PPP1R3A: variants seen among roughly 807,000 people sequenced by gnomAD.
PPP1R3A encodes RG1.
Under a neutral mutation model 41.7 loss-of-function variants are expected in PPP1R3A, and 29 were observed. The ratio of observed to expected loss-of-function variants is 0.70; its 90% CI spans 0.52 to 0.95. PPP1R3A has a LOEUF of 0.95. Ranked by LOEUF, PPP1R3A falls within the 40% of genes least tolerant of loss-of-function variation. The pLI is 0.00. For missense variants in PPP1R3A, 1,352 were observed against 1,292.4 expected, an observed-to-expected ratio of 1.05 and a Z score of -0.71; for synonymous variants, 485 against 453.4, an observed-to-expected ratio of 1.07 and a Z score of -0.89.
chr7:113,878,538 T>C lies in PPP1R3A; in HGVS notation c.2554A>G (p.Ile852Val), dbSNP rs775255984. The change falls in exon 4 of 4, where the codon ATT (isoleucine) becomes GTT (valine). Residue 852 changes from isoleucine to valine, a missense_variant. Transcript: ENST00000284601. Reference sequence around the variant, plus strand: ...GAAGTTGCTTTTTGATATTCTGTAATGACCCATGAGGATTCTTCCACAGAT... The same window carrying C: ...GAAGTTGCTTTTTGATATTCTGTAACGACCCATGAGGATTCTTCCACAGAT... ...ITSVEESSWV[I>V]TEYQKATSKL... 1.5e-5 allele frequency: 24 copies of C among 1,613,502 alleles called. No individual in the cohort carries two copies. The highest frequency in any genetic ancestry group is 6.7e-5 in the East Asian group (3 of 44,844).
intron 1 of PPP1R3A, among the ~76,000 whole-genome samples, chr7:113,900,156 T>G (rs1797039605): frequency 6.6e-6 from 1 of 151,754 alleles, no homozygotes; most frequent in South Asian, 2.1e-4. Flanking sequence ...ATTACAAAAT[T>G]GATCATGTTT....
intron 1 of PPP1R3A, among the ~76,000 whole-genome samples, chr7:113,905,526 T>C (rs1371226250): frequency 6.6e-6 from 1 of 151,876 alleles, no homozygotes; most frequent in Non-Finnish European, 1.5e-5. Context: ...CTGTAACTTT[T>C]CTATAAATCT....
In PPP1R3A at chr7:113,886,358, T is replaced by C. The variant is rs572779437; in HGVS notation, c.783-4038A>G. On this transcript the variant is annotated intron_variant, in intron 1 of 3. Transcript: ENST00000284601. Reference sequence around the variant, plus strand: ...TAAATGAGTCTCATGAGATCTGATGTTTTTAAAAACAGAAGTTTCCCTGCA... The same window carrying C: ...TAAATGAGTCTCATGAGATCTGATGCTTTTAAAAACAGAAGTTTCCCTGCA... Among the ~76,000 whole-genome samples the C allele has an allele frequency of 9.9e-5, 15 of 152,190 alleles. No individual in the cohort carries two copies. The East Asian group carries it at 2.9e-3, about 30-fold the overall frequency.
chr7:113,912,909 C>T (rs1797275283), intron 1 of PPP1R3A, among the ~76,000 whole-genome samples: 1 of 151,972 alleles, frequency 6.6e-6, no homozygotes, highest in Non-Finnish European at 1.5e-5. Flanking sequence ...CCCTTTTGTT[C>T]CTCTTCTCTC....
intron 1 of PPP1R3A, among the ~76,000 whole-genome samples, chr7:113,915,196 T>C (rs1476070146): frequency 6.6e-6 from 1 of 151,980 alleles, no homozygotes; most frequent in Non-Finnish European, 1.5e-5. Context: ...CAAAAGAAAA[T>C]AGACAACCCA....
chr7:113,895,883 T>G (rs1796967959), intron 1 of PPP1R3A, among the ~76,000 whole-genome samples: 1 of 151,914 alleles, frequency 6.6e-6, no homozygotes, highest in Non-Finnish European at 1.5e-5. Context: ...ACGTCACACA[T>G]TAAAATCATC....
Position 113,877,415 on chromosome 7 carries a change from CA to C in PPP1R3A, c.*307del, listed in dbSNP as rs1796584874. The C allele has an allele frequency of 1.3e-5, 3 of 230,664 alleles. No homozygotes were observed. Among genetic ancestry groups the C allele is most frequent in the Non-Finnish European group, 2.5e-5 (3 of 119,510 alleles). The allele number at this position is 230,664 out of a possible 1,614,324, so 14.3% of individuals were successfully genotyped here. A position where few individuals can be genotyped will look rare whatever the true frequency, so the allele number is the denominator to read the frequency against. ...CAAGAGAAATGAATGCAAGAAATAGCACTTTAAGTAGTGAAGAGATGTGAAG... is the reference window on the plus strand; with the variant it reads ...CAAGAGAAATGAATGCAAGAAATAGCCTTTAAGTAGTGAAGAGATGTGAAG... On this transcript the variant is annotated 3_prime_UTR_variant, in exon 4 of 4. Coordinates refer to ENST00000284601, the MANE Select transcript of PPP1R3A (RefSeq NM_002711.4).
intron 1 of PPP1R3A, among the ~76,000 whole-genome samples, chr7:113,907,768 C>A (rs138475921): frequency 6.6e-6 from 1 of 151,640 alleles, no homozygotes; most frequent in African/African-American, 2.4e-5. Context: ...AAAAAATAGA[C>A]CGTACCTGGA....
rs764688600 is a variant in PPP1R3A, at chr7:113,918,965, C to T, written c.32G>A (p.Ser11Asn). The change falls in exon 1 of 4, where the codon AGC (serine) becomes AAC (asparagine). Residue 11 changes from serine to asparagine, a missense_variant. By Grantham distance (46) the Ser-to-Asn change is conservative. Transcript: ENST00000284601. MEPSEVPSQI[S>N]KDNFLEVPNL... ...AGGAACTTCTAAAAAATTATCTTTG[C>T]TAATCTGACTAGGTACTTCAGAAGG... The T allele has an allele frequency of 1.2e-5, 20 of 1,612,776 alleles. No individual in the cohort carries two copies. The highest frequency in any genetic ancestry group is 1.6e-4 in the Middle Eastern group (1 of 6,076).
At position 113,877,704 on chromosome 7, in the gene PPP1R3A, G is replaced by C. The variant is rs1562915002; in HGVS notation, c.*19C>G. 4 of 1,522,446 alleles carry C rather than the reference G, an allele frequency of 2.6e-6. No individual in the cohort carries two copies. Among genetic ancestry groups the C allele is most frequent in the Non-Finnish European group, 3.5e-6 (4 of 1,138,814 alleles). 94.3% of individuals were successfully genotyped at this position (1,522,446 alleles called of 1,614,324 possible). On this transcript the variant is annotated 3_prime_UTR_variant, in exon 4 of 4. Coordinates refer to ENST00000284601, the MANE Select transcript of PPP1R3A (RefSeq NM_002711.4). ...GGGTTAAATAGCTTATCTTTTAAGA[G>C]AGAATAGTAGTGCTGAGGTTACTTC...
In PPP1R3A at chr7:113,918,554, ACTCGAATAATAC is replaced by A; in HGVS notation, c.431_442del (p.Gly144_Arg147del). ...TAACTTCTCAAAAGAAACATTCAAA[ACTCGAATAATAC>A]CCTTGATACTTGTAGACCCAAGAAG... On this transcript the variant is annotated inframe_deletion, in exon 1 of 4. Coordinates refer to ENST00000284601, the MANE Select transcript of PPP1R3A (RefSeq NM_002711.4). 1 of 1,612,812 alleles carries A rather than the reference ACTCGAATAATAC, an allele frequency of 6.2e-7. No individual in the cohort carries two copies. Among genetic ancestry groups the A allele is most frequent in the Middle Eastern group, 1.6e-4 (1 of 6,062 alleles).
At chr7:113,904,672 T>C (rs1175524458) in intron 1 of PPP1R3A, among the ~76,000 whole-genome samples, 3 of 149,656 alleles carry the variant, frequency 2.0e-5, no homozygotes, top group Admixed American at 6.6e-5. Flanking sequence ...TACCCAGAAA[T>C]TGAGGAAATA....
At chr7:113,887,294 G>A (rs556320540) in intron 1 of PPP1R3A, among the ~76,000 whole-genome samples, 2 of 151,744 alleles carry the variant, frequency 1.3e-5, no homozygotes, top group South Asian at 2.1e-4. Context: ...TTAATTAATG[G>A]AACAATACTT....
rs1306645100 is a variant in PPP1R3A, at chr7:113,876,821, C to T, written c.*902G>A. On this transcript the variant is annotated 3_prime_UTR_variant, in exon 4 of 4. Coordinates refer to ENST00000284601, the MANE Select transcript of PPP1R3A (RefSeq NM_002711.4). ...TAGAAAATATTTGAAGACAAAAATA[C>T]AATGTGGAACAAATAGTCCATTTGG... 1 of 152,100 alleles carries T rather than the reference C, an allele frequency of 6.6e-6. No individual in the cohort carries two copies. Among genetic ancestry groups the T allele is most frequent in the Non-Finnish European group, 1.5e-5 (1 of 67,912 alleles). 9.4% of individuals were successfully genotyped at this position (152,100 alleles called of 1,614,324 possible). A position where few individuals can be genotyped will look rare whatever the true frequency, so the allele number is the denominator to read the frequency against.
At position 113,878,702 on chromosome 7, in the gene PPP1R3A, T is replaced by C. The variant is rs752914441; in HGVS notation, c.2390A>G (p.Tyr797Cys). 1 of 1,613,408 alleles carries C rather than the reference T, an allele frequency of 6.2e-7. No homozygotes were observed. The highest frequency in any genetic ancestry group is 8.5e-7 in the Non-Finnish European group (1 of 1,179,654). The change falls in exon 4 of 4, where the codon TAT (tyrosine) becomes TGT (cysteine). Residue 797 changes from tyrosine to cysteine, a missense_variant. Transcript: ENST00000284601. Reference protein sequence around the residue: ...LCQRDTVGVIYDNDFEKESRL... With the variant: ...LCQRDTVGVICDNDFEKESRL... ...TGATTCCTTTTCAAAATCATTGTCA[T>C]AGATTACACCTACTGTATCTCGTTG...
intron 3 of PPP1R3A, 70 bp downstream of exon 3, chr7:113,881,968 CA>C: frequency 6.4e-7 from 1 of 1,560,816 alleles, no homozygotes; most frequent in Non-Finnish European, 8.8e-7. Context: ...TATTGAAAGG[CA>C]GGCATTGCAG....
At chr7:113,882,387 G>T in intron 1 of PPP1R3A, 67 bp from the exon 2 acceptor site, 1 of 959,232 alleles carries the variant, frequency 1.0e-6, no homozygotes, top group South Asian at 1.4e-5. Flanking sequence ...TTTTTACACA[G>T]GGGGAAATTC....
intron 1 of PPP1R3A, among the ~76,000 whole-genome samples, chr7:113,893,259 G>A (rs1321930129): frequency 1.3e-5 from 2 of 151,776 alleles, no homozygotes; most frequent in Non-Finnish European, 2.9e-5. Flanking sequence ...GTATTTAATT[G>A]AAAAAATTCT....
intron 1 of PPP1R3A, among the ~76,000 whole-genome samples, chr7:113,891,768 T>C (rs532838850): frequency 9.9e-5 from 15 of 152,178 alleles, no homozygotes; most frequent in Non-Finnish European, 1.8e-4. Flanking sequence ...ATTTTTAGTA[T>C]AATAATATGG....
Sources: allele counts gnomAD v4.1 joint callset (sites outside exome capture counted in the v4.1 genomes callset), GRCh38; gene constraint gnomAD v4.1.1; transcripts MANE v1.5; gene names NCBI Gene and HGNC (gene_info 2026-07-23, HGNC 2026-07-21).